ODAD2: variants seen among roughly 807,000 people sequenced by gnomAD.
The protein encoded by ODAD2 is outer dynein arm-docking complex subunit 2.
ODAD2 carries 89 observed loss-of-function variants against 106.8 expected under a neutral mutation model. The ratio of observed to expected loss-of-function variants is 0.83; its 90% CI spans 0.70 to 0.99. The LOEUF (loss-of-function observed/expected upper bound fraction) is 0.99, where lower values mean the gene tolerates loss of function less well. ODAD2 is among the 50% of genes least tolerant of loss of function. ODAD2 has a pLI of 0.00. For synonymous variants in ODAD2, 404 were observed against 436.2 expected (o/e 0.93, Z 0.92); for missense variants, 1,168 against 1,238.5 (o/e 0.94, Z 0.85).
chr10:27,883,141 C>T (rs1270824266), intron 17 of ODAD2, among the ~76,000 whole-genome samples: 2 of 151,744 alleles, frequency 1.3e-5, no homozygotes, highest in African/African-American at 2.4e-5. Context: ...CGCTGGCTGA[C>T]CTTGAGGTTC....
At chr10:27,866,154 A>C (rs1242051190) in intron 17 of ODAD2, among the ~76,000 whole-genome samples, 1 of 152,248 alleles carries the variant, frequency 6.6e-6, no homozygotes, top group Admixed American at 6.5e-5. Flanking sequence ...ACATGAATGT[A>C]TTAACCTTGA....
chr10:27,860,929 C>T, intron 18 of ODAD2, 83 bp from the exon 19 acceptor site: 1 of 1,174,788 alleles, frequency 8.5e-7, no homozygotes. Flanking sequence ...TGTTTATTAA[C>T]CATTAAGACA....
intron 10 of ODAD2, among the ~76,000 whole-genome samples, chr10:27,945,171 G>A (rs1846808739): frequency 6.6e-6 from 1 of 152,182 alleles, no homozygotes; most frequent in Non-Finnish European, 1.5e-5. Context: ...AAGGCAGGCT[G>A]TCTCCTTTAA....
intron 19 of ODAD2, among the ~76,000 whole-genome samples, chr10:27,858,534 A>G (rs1229370399): frequency 2.0e-5 from 3 of 152,130 alleles, no homozygotes; most frequent in Non-Finnish European, 4.4e-5. Flanking sequence ...AACACAACAG[A>G]CACAATTTTC....
At position 27,935,199 on chromosome 10, in the gene ODAD2, G is replaced by A. The variant is rs117515566; in HGVS notation, c.2306C>T (p.Pro769Leu). The A allele has an allele frequency of 6.2e-6, 10 of 1,613,814 alleles. No individual in the cohort carries two copies. The African/African-American group carries it at 1.3e-4, about 22-fold the overall frequency. ...ETLVGLLTDQ[P>L]EEVLVNVVGA... ...AACCACATTCACAAGTACTTCTTCA[G>A]GCTGATCTGTTAGAAGTCCCACCAA... Residue 769 changes from proline (P) to leucine (L), a missense_variant, in exon 16 of 20, where the codon CCT becomes CTT. By Grantham distance (98) the Pro-to-Leu change is moderately conservative. Around this residue, in one of 3 missense-constraint regions of ODAD2, gnomAD observed 701 missense variants for 712.3 expected, o/e 0.98. Transcript: ENST00000305242.
chr10:27,855,911 T>C (rs1369187028), intron 19 of ODAD2, among the ~76,000 whole-genome samples: 1 of 152,168 alleles, frequency 6.6e-6, no homozygotes, highest in Non-Finnish European at 1.5e-5. Context: ...GTATAGACAT[T>C]TGCAAAAACA....
At chr10:27,842,289 T>G (rs1838362035) in intron 19 of ODAD2, among the ~76,000 whole-genome samples, 1 of 152,130 alleles carries the variant, frequency 6.6e-6, no homozygotes, top group South Asian at 2.1e-4. Flanking sequence ...CTGGGGATGG[T>G]GAATAGAAGG....
chr10:27,964,624 C>A (rs1053829948), intron 9 of ODAD2, among the ~76,000 whole-genome samples: 2 of 152,090 alleles, frequency 1.3e-5, no homozygotes, highest in Admixed American at 1.3e-4. Flanking sequence ...ATTTTAGGGA[C>A]CACATAAATT....
rs552973391 is a variant in ODAD2 at position 27,970,940 on chromosome 10, C to A, written c.1142+168G>T. Reference sequence around the variant, plus strand: ...TGAGCTGAGATGGCACCACTGCACTCCTGCCTGGGCAACAGAGCAAGACTC... The same window carrying A: ...TGAGCTGAGATGGCACCACTGCACTACTGCCTGGGCAACAGAGCAAGACTC... On this transcript the variant is annotated intron_variant, in intron 8 of 19. Coordinates refer to ENST00000305242, the MANE Select transcript of ODAD2 (RefSeq NM_018076.5). Among the ~76,000 whole-genome samples, 12 of 151,858 alleles carry A rather than the reference C, an allele frequency of 7.9e-5. No individual in the cohort carries two copies. In the South Asian group the frequency reaches 2.5e-3, roughly 32 times the overall value.
At position 27,971,470 on chromosome 10, in the gene ODAD2, G is replaced by C. The variant is rs184590820; in HGVS notation, c.937-157C>G. Among the ~76,000 whole-genome samples, 26 of 152,214 alleles carry C rather than the reference G, an allele frequency of 1.7e-4. 1 individual carries two copies. Among genetic ancestry groups the C allele is most frequent in the Admixed American group, 1.2e-3 (19 of 15,274 alleles). ...AAACAAGGACAACATCAAGACTAAG[G>C]CTTCTGTTGGAGTTAGGTGGACAGT... On this transcript the variant is annotated intron_variant, in intron 7 of 19. Transcript: ENST00000305242.
At chr10:27,904,330 A>G in intron 17 of ODAD2, 1 of 316,574 alleles carries the variant, frequency 3.2e-6, no homozygotes, top group Non-Finnish European at 6.5e-6. Context: ...ACATGGCGTC[A>G]TGGCAGGAAG....
intron 17 of ODAD2, among the ~76,000 whole-genome samples, chr10:27,884,905 T>C (rs191235658): frequency 3.0e-4 from 46 of 152,308 alleles, no homozygotes; most frequent in Non-Finnish European, 3.4e-4. Flanking sequence ...TACTCTGGGA[T>C]GATCCCAGGC....
intron 17 of ODAD2, among the ~76,000 whole-genome samples, chr10:27,897,296 C>A (rs1842921671): frequency 6.6e-6 from 1 of 152,150 alleles, no homozygotes; most frequent in African/African-American, 2.4e-5. Flanking sequence ...ATATCTCCAT[C>A]CAGAATTCTC....
chr10:27,868,988 T>C (rs1564446727), intron 17 of ODAD2, among the ~76,000 whole-genome samples: 2 of 152,016 alleles, frequency 1.3e-5, no homozygotes, highest in East Asian at 1.9e-4. Context: ...AAAATTTCAA[T>C]AGGAGCTAAA....
At chr10:27,913,454 C>T (rs1745352452) in intron 16 of ODAD2, among the ~76,000 whole-genome samples, 2 of 151,996 alleles carry the variant, frequency 1.3e-5, no homozygotes, top group South Asian at 4.2e-4. Flanking sequence ...GTTGCAAAAA[C>T]AATTACAACA....
chr10:27,857,490 T>C (rs983262613), intron 19 of ODAD2, among the ~76,000 whole-genome samples: 3 of 152,188 alleles, frequency 2.0e-5, no homozygotes, highest in African/African-American at 7.2e-5. Flanking sequence ...TTGGGTTAAA[T>C]ATATTACTAA....
At chr10:27,964,866 G>A (rs556822596) in intron 9 of ODAD2, among the ~76,000 whole-genome samples, 66 of 152,314 alleles carry the variant, frequency 4.3e-4, no homozygotes, top group Middle Eastern at 3.4e-3. Flanking sequence ...CACAAGGAAG[G>A]CACTCAATAA....
chr10:27,961,471 T>C, intron 10 of ODAD2, 97 bp downstream of exon 10: 1 of 1,237,726 alleles, frequency 8.1e-7, no homozygotes, highest in Non-Finnish European at 1.1e-6. Context: ...TACTCTTATT[T>C]GAAAGAAACG....
intron 19 of ODAD2, among the ~76,000 whole-genome samples, chr10:27,843,236 TA>T (rs1838440383): frequency 6.6e-6 from 1 of 151,602 alleles, no homozygotes; most frequent in Non-Finnish European, 1.5e-5. Flanking sequence ...AGTCTTAAAA[TA>T]AAAACAGCCT....
Sources: gnomAD v4.1 joint callset for allele counts (sites outside exome capture counted in the v4.1 genomes callset) on GRCh38, gnomAD v4.1.1 for gene constraint, gnomAD v4.1.1 regional missense constraint, MANE v1.5 for transcripts, NCBI Gene and HGNC (gene_info 2026-07-23, HGNC 2026-07-21) for gene names.